The following BBS4 variants were observed in gnomAD, a reference collection of about 807,000 sequenced individuals.
BBS4 encodes the protein BBSome complex member BBS4.
Under a neutral mutation model 71.4 loss-of-function variants are expected in BBS4, and 58 were observed. The observed-to-expected ratio is 0.81, with a 90% CI of 0.66 to 1.01. The LOEUF (loss-of-function observed/expected upper bound fraction) is 1.01. Among genes scored for constraint, BBS4 ranks in the 50% least tolerant of loss-of-function variants. BBS4 has a pLI of 0.00. For synonymous variants in BBS4, 228 were observed against 216.8 expected (o/e 1.05, Z -0.46); for missense variants, 660 against 607.9 (o/e 1.09, Z -0.90).
intron 9 of BBS4, among the ~76,000 whole-genome samples, chr15:72,728,948 C>G (rs1473351131): frequency 6.6e-6 from 1 of 152,106 alleles, no homozygotes; most frequent in Non-Finnish European, 1.5e-5. Flanking sequence ...TCTTCCTGGG[C>G]TTTGGCTTGG....
intron 12 of BBS4, among the ~76,000 whole-genome samples, chr15:72,732,408 A>G (rs142421371): frequency 6.6e-6 from 1 of 152,362 alleles, no homozygotes; most frequent in African/African-American, 2.4e-5. Flanking sequence ...CACTTTAACA[A>G]TTATGCACAA....
At chr15:72,730,272 C>CT (rs2065787222) in intron 10 of BBS4, among the ~76,000 whole-genome samples, 1 of 124,340 alleles carries the variant, frequency 8.0e-6, no homozygotes. Flanking sequence ...GAGCGAGACT[C>CT]TGTCTCAAAA....
At chr15:72,689,797 T>C (rs1249520749) in intron 1 of BBS4, among the ~76,000 whole-genome samples, 1 of 149,720 alleles carries the variant, frequency 6.7e-6, no homozygotes, top group Admixed American at 6.6e-5. Context: ...TATTTATTTA[T>C]TTATTTATTT....
At chr15:72,696,323 A>G (rs1282196260) in intron 2 of BBS4, among the ~76,000 whole-genome samples, 2 of 152,116 alleles carry the variant, frequency 1.3e-5, no homozygotes, top group African/African-American at 4.8e-5. Flanking sequence ...TAGCTATTTT[A>G]GTTTTGCTTT....
chr15:72,690,142 A>G (rs913029626), intron 1 of BBS4, among the ~76,000 whole-genome samples: 1 of 152,098 alleles, frequency 6.6e-6, no homozygotes, highest in African/African-American at 2.4e-5. Context: ...GATTCCCATT[A>G]TTTGATGTAT....
intron 1 of BBS4, among the ~76,000 whole-genome samples, chr15:72,690,406 T>C (rs1306199742): frequency 6.6e-6 from 1 of 152,224 alleles, no homozygotes; most frequent in Non-Finnish European, 1.5e-5. Flanking sequence ...CAAAATGTTC[T>C]GGAAAGTCTT....
In BBS4 at chr15:72,736,968, G is replaced by C; in HGVS notation, c.1450+5G>C. 6.2e-7 allele frequency: 1 copy of C among 1,613,874 alleles called. No homozygotes were observed. Among genetic ancestry groups the C allele is most frequent in the African/African-American group, 1.3e-5 (1 of 75,066 alleles). On this transcript the variant is annotated splice_donor_5th_base_variant and intron_variant, in intron 15 of 15. Coordinates refer to ENST00000268057, the MANE Select transcript of BBS4 (RefSeq NM_033028.5). ...CATACAGGACGCTCCCCTCAGGTAG[G>C]ACCATACAGAGCTCCATGAAGACCT...
intron 12 of BBS4, among the ~76,000 whole-genome samples, chr15:72,733,210 C>G (rs2065859376): frequency 6.6e-6 from 1 of 152,094 alleles, no homozygotes; most frequent in African/African-American, 2.4e-5. Flanking sequence ...GTGCTGGCTA[C>G]TTGGGAGGCT....
chr15:72,735,884 A>C lies in BBS4; in HGVS notation c.1166A>C (p.Lys389Thr). ...AVLLYNQGEK[K>T]NALAQYQEME... Reference sequence around the variant, plus strand: ...CTGCTGTACAACCAGGGCGAGAAGAAGAACGCCCTGGCCCAATATCAGGAG... The same window carrying C: ...CTGCTGTACAACCAGGGCGAGAAGACGAACGCCCTGGCCCAATATCAGGAG... The change falls in exon 14 of 16, where the codon AAG (lysine) becomes ACG (threonine). Residue 389 changes from lysine to threonine, a missense_variant. Lys to Thr is a moderately conservative substitution (Grantham distance 78). Transcript: ENST00000268057. 6 of 1,614,114 alleles carry C rather than the reference A, an allele frequency of 3.7e-6. No individual in the cohort carries two copies. The highest frequency in any genetic ancestry group is 5.1e-6 in the Non-Finnish European group (6 of 1,179,964).
At chr15:72,702,966 C>G (rs921486221) in intron 2 of BBS4, among the ~76,000 whole-genome samples, 2 of 143,040 alleles carry the variant, frequency 1.4e-5, no homozygotes, top group African/African-American at 5.1e-5. Flanking sequence ...CGCCACTACG[C>G]CCGGCTAATT....
At position 72,729,609 on chromosome 15, in the gene BBS4, T is replaced by C; in HGVS notation, c.643-7T>C. On this transcript the variant is annotated splice_region_variant and splice_polypyrimidine_tract_variant and intron_variant, in intron 9 of 15. Coordinates refer to ENST00000268057, the MANE Select transcript of BBS4 (RefSeq NM_033028.5). ...ATGTAAATTGTCTTGTTTGCTTTTT[T>C]TCCAAGCTCGGCATTTACCAGAAGG... 6.2e-7 allele frequency: 1 copy of C among 1,613,990 alleles called. No individual in the cohort carries two copies. Among genetic ancestry groups the C allele is most frequent in the Non-Finnish European group, 8.5e-7 (1 of 1,179,890 alleles).
intron 1 of BBS4, among the ~76,000 whole-genome samples, chr15:72,692,274 T>C (rs2064998095): frequency 6.6e-6 from 1 of 150,486 alleles, no homozygotes; most frequent in African/African-American, 2.4e-5. Flanking sequence ...GGATATGAAA[T>C]TATGTCTTAA....
At position 72,736,834 on chromosome 15, in the gene BBS4, A is replaced by G. The variant is rs1043247704; in HGVS notation, c.1321A>G (p.Lys441Glu). 6.2e-7 allele frequency: 1 copy of G among 1,614,074 alleles called. No individual in the cohort carries two copies. The highest frequency in any genetic ancestry group is 1.3e-5 in the African/African-American group (1 of 74,928). The change falls in exon 15 of 16, where the codon AAA becomes GAA. Residue 441 changes from lysine to glutamate, a missense_variant. By Grantham distance (56) the Lys-to-Glu change is moderately conservative. Coordinates refer to ENST00000268057, the MANE Select transcript of BBS4 (RefSeq NM_033028.5). ...GGCACTGGTCTGGACCAAACCAGTT[A>G]AAGATCCCAAATCAAAGCACCAGAC... Reference protein sequence around the residue: ...GEALVWTKPVKDPKSKHQTTS... With the variant: ...GEALVWTKPVEDPKSKHQTTS...
At chr15:72,714,574 T>G (rs1394350641) in intron 4 of BBS4, among the ~76,000 whole-genome samples, 1 of 152,204 alleles carries the variant, frequency 6.6e-6, no homozygotes, top group Non-Finnish European at 1.5e-5. Context: ...ATTCTTAGTT[T>G]TTCCAGGAAC....
chr15:72,726,124 C>G (rs2065695755), intron 8 of BBS4, among the ~76,000 whole-genome samples: 1 of 141,446 alleles, frequency 7.1e-6, no homozygotes, highest in South Asian at 2.2e-4. Context: ...TCCTTCCTTT[C>G]ATTTATTTCA....
chr15:72,735,062 C>T (rs891503470), intron 12 of BBS4, 51 bp from the exon 13 acceptor site: 13 of 1,412,782 alleles, frequency 9.2e-6, no homozygotes, highest in Middle Eastern at 1.8e-4. Flanking sequence ...TTTAATACTC[C>T]TTTTGTCTTC....
chr15:72,707,265 C>T (rs2065281754), intron 2 of BBS4, among the ~76,000 whole-genome samples: 1 of 150,518 alleles, frequency 6.6e-6, no homozygotes, highest in Admixed American at 6.6e-5. Flanking sequence ...TGTAACCTCC[C>T]CGCACCAGGT....
intron 2 of BBS4, among the ~76,000 whole-genome samples, chr15:72,708,625 T>C (rs1669467749): frequency 6.6e-6 from 1 of 152,138 alleles, no homozygotes; most frequent in Non-Finnish European, 1.5e-5. Flanking sequence ...GCCTGTGGGG[T>C]TGGGCAAAAT....
At chr15:72,690,751 T>C (rs2064969436) in intron 1 of BBS4, among the ~76,000 whole-genome samples, 1 of 152,152 alleles carries the variant, frequency 6.6e-6, no homozygotes, top group South Asian at 2.1e-4. Context: ...GGTTATATTG[T>C]TTAAGTATTT....
Sources: allele counts gnomAD v4.1 joint callset (sites outside exome capture counted in the v4.1 genomes callset), GRCh38; gene constraint gnomAD v4.1.1; transcripts MANE v1.5; gene names NCBI Gene and HGNC (gene_info 2026-07-23, HGNC 2026-07-21).